The following PPP1R12B variants were observed in gnomAD, a reference collection of about 807,000 sequenced individuals.
PPP1R12B encodes myosin phosphatase target subunit 2.
A neutral mutation model predicts 126.1 loss-of-function variants in PPP1R12B; 76 were observed. The ratio of observed to expected loss-of-function variants is 0.60; its 90% CI spans 0.50 to 0.73. The LOEUF (loss-of-function observed/expected upper bound fraction) is 0.73. Among genes scored for constraint, PPP1R12B ranks in the 30% least tolerant of loss-of-function variants. PPP1R12B has a pLI of 0.00. For synonymous variants in PPP1R12B, 356 were observed against 434.7 expected (o/e 0.82, Z 2.25); for missense variants, 1,052 against 1,205.1 (o/e 0.87, Z 1.88).
chr1:202,381,434 G>GTGTA (rs1553268868), intron 1 of PPP1R12B, among the ~76,000 whole-genome samples: 44 of 131,232 alleles, frequency 3.4e-4, no homozygotes, highest in African/African-American at 4.8e-4. Context: ...GTGTGTGTGT[G>GTGTA]TGTATCATCC....
chr1:202,564,587 T>C lies in PPP1R12B; in HGVS notation c.2757+40T>C, dbSNP rs200414537. 10 of 1,527,498 alleles carry C rather than the reference T, an allele frequency of 6.5e-6. No individual in the cohort carries two copies. The East Asian group carries it at 2.3e-4, about 35-fold the overall frequency. 94.6% of individuals were successfully genotyped at this position (1,527,498 alleles called of 1,614,324 possible). A position where few individuals can be genotyped will look rare whatever the true frequency, so the allele number is the denominator to read the frequency against. ...GAAGAAAAAAGATGAGAACCAAGGG[T>C]TGATGTAAGGAAGCAAACTAGACTA... On this transcript the variant is annotated intron_variant, in intron 21 of 23. Coordinates refer to ENST00000608999, the MANE Select transcript of PPP1R12B (RefSeq NM_002481.4).
At chr1:202,430,615 CTT>C in intron 6 of PPP1R12B, 114 bp from the exon 7 acceptor site, 1 of 1,064,714 alleles carries the variant, frequency 9.4e-7, no homozygotes, top group Non-Finnish European at 1.3e-6. Flanking sequence ...CCCACTACCT[CTT>C]TGGTGTTGGT....
intron 1 of PPP1R12B, among the ~76,000 whole-genome samples, chr1:202,405,178 T>C (rs1188631454): frequency 6.6e-6 from 1 of 152,132 alleles, no homozygotes; most frequent in Non-Finnish European, 1.5e-5. Flanking sequence ...GTGCTAACAA[T>C]TAGACTTGAT....
At chr1:202,369,292 C>T (rs557005107) in intron 1 of PPP1R12B, among the ~76,000 whole-genome samples, 6 of 152,212 alleles carry the variant, frequency 3.9e-5, no homozygotes, top group African/African-American at 9.6e-5. Context: ...TTGAACACTA[C>T]GAATTAAGTC....
chr1:202,387,725 G>A (rs1475962119), intron 1 of PPP1R12B, among the ~76,000 whole-genome samples: 31 of 152,078 alleles, frequency 2.0e-4, no homozygotes, highest in Admixed American at 2.0e-3. Flanking sequence ...AGATTTGACT[G>A]TTGTGATCTT....
Position 202,383,916 on chromosome 1 carries a change from T to A in PPP1R12B, c.292-32871T>A, listed in dbSNP as rs575025344. Among the ~76,000 whole-genome samples, 7 of 152,334 alleles carry A rather than the reference T, an allele frequency of 4.6e-5. No individual in the cohort carries two copies. In the East Asian group the frequency reaches 1.3e-3, roughly 29 times the overall value. ...TTCTTACTGATGGACATGTAAGTTG[T>A]TTCTAGGATGTTGTTGCTTGTTTGC... On this transcript the variant is annotated intron_variant, in intron 1 of 23. Coordinates refer to ENST00000608999, the MANE Select transcript of PPP1R12B (RefSeq NM_002481.4).
chr1:202,449,989 G>T (rs36078838), intron 13 of PPP1R12B, among the ~76,000 whole-genome samples: 1 of 152,128 alleles, frequency 6.6e-6, no homozygotes, highest in Non-Finnish European at 1.5e-5. Flanking sequence ...CCCGGCTGTC[G>T]TTATGGATTT....
At chr1:202,428,039 G>A (rs1669775255) in intron 5 of PPP1R12B, among the ~76,000 whole-genome samples, 1 of 8,576 alleles carries the variant, frequency 1.2e-4, no homozygotes, top group African/African-American at 5.8e-4. Context: ...CAAGCTCCTG[G>A]GCTCAAGTGA....
intron 5 of PPP1R12B, among the ~76,000 whole-genome samples, chr1:202,427,930 A>G (rs1571965342): frequency 6.6e-6 from 1 of 151,746 alleles, no homozygotes; most frequent in African/African-American, 2.4e-5. Flanking sequence ...GATTACAGGC[A>G]TGAGCCACCA....
intron 13 of PPP1R12B, among the ~76,000 whole-genome samples, chr1:202,474,195 T>C (rs545480708): frequency 5.9e-5 from 9 of 152,326 alleles, no homozygotes; most frequent in Non-Finnish European, 7.3e-5. Context: ...GTAAGATTAC[T>C]GTAATACTGC....
intron 1 of PPP1R12B, among the ~76,000 whole-genome samples, chr1:202,374,790 T>TGCCTCC (rs949364038): frequency 6.6e-6 from 1 of 152,014 alleles, no homozygotes; most frequent in Non-Finnish European, 1.5e-5. Context: ...CGCCCGCCTC[T>TGCCTCC]GCCTCCGCCT....
chr1:202,555,679 C>G (rs1349256149), intron 18 of PPP1R12B, among the ~76,000 whole-genome samples: 1 of 152,024 alleles, frequency 6.6e-6, no homozygotes, highest in East Asian at 1.9e-4. Flanking sequence ...GAAAGTACAT[C>G]TTTGGAAAGA....
rs142913064 is a variant in PPP1R12B, at chr1:202,580,550, T to A, written c.2939T>A (p.Leu980Gln). The change falls in exon 24 of 24, where the codon CTG (leucine) becomes CAG (glutamine). Residue 980 changes from leucine (L) to glutamine (Q), a missense_variant. By Grantham distance (113) the Leu-to-Gln change is moderately radical (BLOSUM62 -2). Transcript: ENST00000608999. ...NGALIRVISK[L>Q]SK is the part of the protein sequence containing the mutation. ...GCCCTCATCAGAGTCATCAGCAAAC[T>A]GTCCAAGTAGGCTAGGCTCCAGATT... 6.2e-7 allele frequency: 1 copy of A among 1,612,954 alleles called. No homozygotes were observed. The highest frequency in any genetic ancestry group is 1.3e-5 in the African/African-American group (1 of 74,886).
intron 1 of PPP1R12B, among the ~76,000 whole-genome samples, chr1:202,389,778 T>C (rs1450901471): frequency 6.6e-6 from 1 of 151,572 alleles, no homozygotes; most frequent in Non-Finnish European, 1.5e-5. Context: ...AATACAAAAA[T>C]TAGCTGGGCA....
At chr1:202,383,024 T>C (rs1662589365) in intron 1 of PPP1R12B, among the ~76,000 whole-genome samples, 1 of 152,212 alleles carries the variant, frequency 6.6e-6, no homozygotes, top group African/African-American at 2.4e-5. Context: ...GAGATAGTTA[T>C]AGAACAAAAA....
At chr1:202,466,654 C>T (rs558792356) in intron 13 of PPP1R12B, among the ~76,000 whole-genome samples, 1 of 152,238 alleles carries the variant, frequency 6.6e-6, no homozygotes, top group Admixed American at 6.5e-5. Flanking sequence ...TGCCTAACTT[C>T]ATGTAGGCAC....
At chr1:202,485,734 G>A (rs370959039) in intron 13 of PPP1R12B, among the ~76,000 whole-genome samples, 16 of 152,080 alleles carry the variant, frequency 1.1e-4, no homozygotes, top group Admixed American at 9.2e-4. Flanking sequence ...GTGCTCTCCC[G>A]AGTACTTCTT....
chr1:202,509,760 G>A (rs572941684), intron 18 of PPP1R12B, among the ~76,000 whole-genome samples: 49 of 152,282 alleles, frequency 3.2e-4, no homozygotes, highest in Admixed American at 9.2e-4. Flanking sequence ...ATATGTGCAG[G>A]AAAAACATTT....
chr1:202,434,872 A>C (rs1670602505), intron 9 of PPP1R12B, 104 bp downstream of exon 9: 5 of 1,508,758 alleles, frequency 3.3e-6, no homozygotes, highest in Admixed American at 2.5e-5. Flanking sequence ...ATAAAAATAC[A>C]TTTTTCCTGT....
Sources: gnomAD v4.1 joint callset for allele counts (sites outside exome capture counted in the v4.1 genomes callset) on GRCh38, gnomAD v4.1.1 for gene constraint, MANE v1.5 for transcripts, NCBI Gene and HGNC (gene_info 2026-07-23, HGNC 2026-07-21) for gene names.